The following GOLGA7B variants were observed in gnomAD, a reference collection of about 807,000 sequenced individuals.
GOLGA7B encodes the protein golgin A7 family member B.
A neutral mutation model predicts 21.5 loss-of-function variants in GOLGA7B; 17 were observed. The ratio of observed to expected loss-of-function variants is 0.79; its 90% CI spans 0.54 to 1.19. The LOEUF (loss-of-function observed/expected upper bound fraction) is 1.19, where lower values mean the gene tolerates loss of function less well. Among genes scored for constraint, GOLGA7B ranks in the 50% most tolerant of loss-of-function variants. GOLGA7B has a pLI of 0.00. For missense variants in GOLGA7B, 169 were observed against 224.4 expected (o/e 0.75, Z 1.58); for synonymous variants, 87 against 84.0 (o/e 1.04, Z -0.19).
At chr10:97,864,602 G>A (rs1458467394) in intron 4 of GOLGA7B, among the ~76,000 whole-genome samples, 6 of 152,114 alleles carry the variant, frequency 3.9e-5, no homozygotes, top group East Asian at 1.9e-4. Flanking sequence ...GCTTAGAGTC[G>A]TGCAGCTGGT....
chr10:97,866,386 G>A lies in GOLGA7B; in HGVS notation c.*686G>A, dbSNP rs531796350. On this transcript the variant is annotated 3_prime_UTR_variant, in exon 5 of 5. Transcript: ENST00000370602. The stretch of plus-strand genomic sequence containing the variant: ...TTTGCAGGCTGCCAGGTGCTGGTTG[G>A]GGGGCACAGAGCCTGGGGCTCTGGG... The A allele has an allele frequency of 5.9e-5, 9 of 152,380 alleles. No individual in the cohort carries two copies. Among genetic ancestry groups the A allele is most frequent in the African/African-American group, 1.9e-4 (8 of 41,576 alleles). The allele number at this position is 152,380 out of a possible 1,614,324, so 9.4% of individuals were successfully genotyped here.
chr10:97,854,391 G>A (rs1385199659), intron 1 of GOLGA7B, among the ~76,000 whole-genome samples: 2 of 152,142 alleles, frequency 1.3e-5, no homozygotes, highest in Non-Finnish European at 2.9e-5. Flanking sequence ...GGGCTTCCTG[G>A]CACTTCACAC....
At chr10:97,861,370 C>A (rs2049970210) in intron 2 of GOLGA7B, among the ~76,000 whole-genome samples, 1 of 152,228 alleles carries the variant, frequency 6.6e-6, no homozygotes, top group Non-Finnish European at 1.5e-5. Context: ...CACAGTCTCG[C>A]AGGGAAAGCT....
At position 97,859,570 on chromosome 10, in the gene GOLGA7B, A is replaced by G. The variant is rs1327248459; in HGVS notation, c.125A>G (p.Glu42Gly). ...ICQFQTKFPP[E>G]LDSRIERQLF... is the part of the protein sequence containing the mutation. ...CAGTTCCAGACCAAATTCCCCCCAG[A>G]GCTGGACAGCCGGGTAAGGATGCCT... The change falls in exon 2 of 5, where the codon GAG becomes GGG. Residue 42 changes from glutamate (E) to glycine (G), a missense_variant. Coordinates refer to ENST00000370602, the MANE Select transcript of GOLGA7B (RefSeq NM_001010917.3). 6.2e-7 allele frequency: 1 copy of G among 1,614,028 alleles called. No individual in the cohort carries two copies. Among genetic ancestry groups the G allele is most frequent in the East Asian group, 2.2e-5 (1 of 44,878 alleles).
At chr10:97,853,605 A>G (rs1404002887) in intron 1 of GOLGA7B, among the ~76,000 whole-genome samples, 1 of 152,174 alleles carries the variant, frequency 6.6e-6, no homozygotes, top group African/African-American at 2.4e-5. Context: ...CTCTGCTGCC[A>G]GTGAGCCAGG....
intron 1 of GOLGA7B, among the ~76,000 whole-genome samples, chr10:97,855,309 A>G (rs924453507): frequency 2.0e-5 from 3 of 152,216 alleles, no homozygotes; most frequent in Non-Finnish European, 4.4e-5. Flanking sequence ...CCAAAAGAGA[A>G]CCTGAATAGC....
intron 1 of GOLGA7B, among the ~76,000 whole-genome samples, chr10:97,852,751 G>A (rs1374188302): frequency 6.6e-6 from 1 of 151,978 alleles, no homozygotes; most frequent in Non-Finnish European, 1.5e-5. Context: ...GGAGAGGGAA[G>A]AAATTCATGG....
intron 2 of GOLGA7B, among the ~76,000 whole-genome samples, chr10:97,862,366 T>C (rs2049976503): frequency 6.6e-6 from 1 of 152,212 alleles, no homozygotes; most frequent in South Asian, 2.1e-4. Flanking sequence ...CCTTTGACTT[T>C]CTAAAAACTT....
chr10:97,860,579 C>T (rs1010684207), intron 2 of GOLGA7B, among the ~76,000 whole-genome samples: 2 of 152,186 alleles, frequency 1.3e-5, no homozygotes, highest in Non-Finnish European at 2.9e-5. Context: ...TCTCAAACTC[C>T]TGGGCTCAAG....
chr10:97,861,197 T>C (rs2049969201), intron 2 of GOLGA7B, among the ~76,000 whole-genome samples: 1 of 152,242 alleles, frequency 6.6e-6, no homozygotes, highest in South Asian at 2.1e-4. Context: ...CCCTCTCATT[T>C]AACAGAGGAA....
chr10:97,858,360 A>G (rs544440538), intron 1 of GOLGA7B, among the ~76,000 whole-genome samples: 1 of 152,294 alleles, frequency 6.6e-6, no homozygotes, highest in South Asian at 2.1e-4. Context: ...AATAAATGAG[A>G]GCTGAGTGAC....
intron 2 of GOLGA7B, among the ~76,000 whole-genome samples, chr10:97,860,211 G>A (rs2049961882): frequency 6.6e-6 from 1 of 152,162 alleles, no homozygotes; most frequent in Non-Finnish European, 1.5e-5. Context: ...AGCATGCCAT[G>A]TGTAATAATC....
At position 97,864,256 on chromosome 10, in the gene GOLGA7B, G is replaced by T; in HGVS notation, c.380G>T (p.Arg127Leu). 2 of 1,613,658 alleles carry T rather than the reference G, an allele frequency of 1.2e-6. No individual in the cohort carries two copies. Among genetic ancestry groups the T allele is most frequent in the Non-Finnish European group, 1.7e-6 (2 of 1,179,564 alleles). The change falls in exon 4 of 5, where the codon CGT (arginine) becomes CTT (leucine). Residue 127 changes from arginine to leucine, a missense_variant. By Grantham distance (102) the Arg-to-Leu change is moderately radical. Coordinates refer to ENST00000370602, the MANE Select transcript of GOLGA7B (RefSeq NM_001010917.3). ...CTCCTACTTACAGACCCTGTGGAGC[G>T]TGGGATGAGGGTTGTATCCTTCTGG... Reference protein sequence around the residue: ...RGLLLTDPVERGMRVIEISIY... With the variant: ...RGLLLTDPVELGMRVIEISIY...
chr10:97,850,274 C>T lies in GOLGA7B; in HGVS notation c.-30C>T. 1 of 1,477,206 alleles carries T rather than the reference C, an allele frequency of 6.8e-7. No homozygotes were observed. Among genetic ancestry groups the T allele is most frequent in the East Asian group, 2.9e-5 (1 of 34,370 alleles). 91.5% of individuals were successfully genotyped at this position (1,477,206 alleles called of 1,614,324 possible). ...ACCGCGGAGACCCCCCTCGCCCGGC[C>T]CCGCGACAGCCTCCGAGCGCCCCCG... is the stretch of plus-strand genomic sequence containing the variant. On this transcript the variant is annotated 5_prime_UTR_variant, in exon 1 of 5. Transcript: ENST00000370602.
Position 97,869,467 on chromosome 10 carries a change from G to A in GOLGA7B, c.*3767G>A, listed in dbSNP as rs1446475758. On this transcript the variant is annotated 3_prime_UTR_variant, in exon 5 of 5. Transcript: ENST00000370602. The stretch of plus-strand genomic sequence containing the variant: ...CTCCAGCCTCAGCCAGACTGTCCCC[G>A]AGGTCCCAAGTGAGGCCCCAGCCAC... The A allele has an allele frequency of 6.5e-6, 1 of 152,680 alleles. No individual in the cohort carries two copies. Among genetic ancestry groups the A allele is most frequent in the East Asian group, 1.9e-4 (1 of 5,206 alleles). 9.5% of individuals were successfully genotyped at this position (152,680 alleles called of 1,614,324 possible). A position where few individuals can be genotyped will look rare whatever the true frequency, so the allele number is the denominator to read the frequency against.
intron 2 of GOLGA7B, among the ~76,000 whole-genome samples, chr10:97,861,403 C>A (rs770399643): frequency 1.3e-5 from 2 of 152,248 alleles, no homozygotes; most frequent in Non-Finnish European, 2.9e-5. Context: ...GGAAGAGCTG[C>A]AGGCTGCTTT....
At chr10:97,852,593 T>G (rs1420578306) in intron 1 of GOLGA7B, among the ~76,000 whole-genome samples, 1 of 152,046 alleles carries the variant, frequency 6.6e-6, no homozygotes, top group Non-Finnish European at 1.5e-5. Context: ...ATAAACTTGT[T>G]GGGAGAGGGA....
intron 1 of GOLGA7B, among the ~76,000 whole-genome samples, chr10:97,851,102 C>T (rs940924345): frequency 1.3e-5 from 2 of 152,094 alleles, no homozygotes; most frequent in Non-Finnish European, 2.9e-5. Flanking sequence ...CTTTATGTTC[C>T]CACTTTATAC....
Position 97,859,453 on chromosome 10 carries a change from C to T in GOLGA7B, c.13-5C>T, listed in dbSNP as rs1478174383. 6.2e-7 allele frequency: 1 copy of T among 1,614,040 alleles called. No homozygotes were observed. Among genetic ancestry groups the T allele is most frequent in the Non-Finnish European group, 8.5e-7 (1 of 1,179,948 alleles). ...TCAGCACATGCCGCCCGCACGTCTC[C>T]TCAGGTCCACAATCTGCAGGAGCTC... On this transcript the variant is annotated splice_polypyrimidine_tract_variant and splice_region_variant and intron_variant, in intron 1 of 4. Transcript: ENST00000370602.
Sources: allele counts gnomAD v4.1 joint callset (sites outside exome capture counted in the v4.1 genomes callset), GRCh38; gene constraint gnomAD v4.1.1; transcripts MANE v1.5; gene names NCBI Gene and HGNC (gene_info 2026-07-23, HGNC 2026-07-21).